The following PASK variants were observed in gnomAD, a reference collection of about 807,000 sequenced individuals.
The protein encoded by PASK is PAS domain-containing serine/threonine-protein kinase.
PASK carries 110 observed loss-of-function variants against 121.0 expected under a neutral mutation model. That is an observed-to-expected ratio of 0.91 (90% CI 0.78 to 1.06). The LOEUF is 1.06. PASK is among the 50% of genes least tolerant of loss of function. PASK has a pLI of 0.00. For missense variants in PASK, 1,643 were observed against 1,702.3 expected, an observed-to-expected ratio of 0.97 and a Z score of 0.61; for synonymous variants, 686 against 717.8, an observed-to-expected ratio of 0.96 and a Z score of 0.71.
Position 241,107,467 on chromosome 2 carries a change from G to T in PASK, c.3700C>A (p.Pro1234Thr), listed in dbSNP as rs145793780. The change falls in exon 17 of 18, where the codon CCA becomes ACA. Residue 1234 changes from proline (P) to threonine (T), a missense_variant. By Grantham distance (38) the Pro-to-Thr change is conservative. Transcript: ENST00000234040. ...AAGGTGGTGCGTCTCTCAGGGACTG[G>T]CTGCAGCAGCCCAGACACAAGGCTC... is the stretch of plus-strand genomic sequence containing the variant. The part of the protein sequence containing the change: ...LMSLVSGLLQ[P>T]VPERRTTLEK... 56 of 1,613,902 alleles carry T rather than the reference G, an allele frequency of 3.5e-5. No individual in the cohort carries two copies. The African/African-American group carries it at 7.2e-4, about 21-fold the overall frequency.
intron 2 of PASK, among the ~76,000 whole-genome samples, chr2:241,141,915 C>T (rs370909753): frequency 5.9e-5 from 9 of 152,188 alleles, no homozygotes; most frequent in African/African-American, 1.7e-4. Flanking sequence ...AGCTCCTTCT[C>T]ATGTCTCAAG....
At position 241,108,092 on chromosome 2, in the gene PASK, T is replaced by G; in HGVS notation, c.3667+75A>C. On this transcript the variant is annotated intron_variant, in intron 16 of 17. Transcript: ENST00000234040. The surrounding 1 kb of genome is among the most constrained non-coding windows in gnomAD (Gnocchi z 5.2). ...ATATGGACAGAGATACACTGAGGAA[T>G]GAGGAAATGGGAAAAAAAAGTGGCT... The G allele has an allele frequency of 7.9e-6, 11 of 1,388,594 alleles. No homozygotes were observed. The highest frequency in any genetic ancestry group is 1.1e-5 in the Non-Finnish European group (11 of 975,264). The allele number at this position is 1,388,594 out of a possible 1,614,324, so 86.0% of individuals were successfully genotyped here. A position where few individuals can be genotyped will look rare whatever the true frequency, so the allele number is the denominator to read the frequency against.
rs776589557 is a variant in PASK at position 241,127,432 on chromosome 2, C to T, written c.1483G>A (p.Gly495Arg). 1 of 1,614,026 alleles carries T rather than the reference C, an allele frequency of 6.2e-7. No individual in the cohort carries two copies. Among genetic ancestry groups the T allele is most frequent in the South Asian group, 1.1e-5 (1 of 91,074 alleles). ...PAPGVDNVPE[G>R]SLPVHGEQAL... ...TGTTCACCGTGCACTGGCAGGCTTC[C>T]TTCTGGGACATTGTCCACCCTGGGG... Residue 495 changes from glycine to arginine, a missense_variant, in exon 10 of 18, where the codon GGA becomes AGA. Gly to Arg is a moderately radical substitution (Grantham distance 125). This residue lies in a region of PASK where 1,176 missense variants were observed against 1,162.2 expected (regional missense o/e 1.01). Coordinates refer to ENST00000234040, the MANE Select transcript of PASK (RefSeq NM_015148.4).
Position 241,126,552 on chromosome 2 carries a change from C to A in PASK, c.2363G>T (p.Gly788Val). The A allele has an allele frequency of 6.2e-7, 1 of 1,614,248 alleles. No individual in the cohort carries two copies. The highest frequency in any genetic ancestry group is 8.5e-7 in the Non-Finnish European group (1 of 1,180,036). The change falls in exon 10 of 18, where the codon GGG (glycine) becomes GTG (valine). Residue 788 changes from glycine to valine, a missense_variant. Coordinates refer to ENST00000234040, the MANE Select transcript of PASK (RefSeq NM_015148.4). ...CTCCCTGTCATCCAGGACACACGAC[C>A]CCTGTTCCTGGAGACTGCCTACATC... ...DPDVGSLQEQGSCVLDDRELL... is the reference protein window; with the variant it reads ...DPDVGSLQEQVSCVLDDRELL...
Position 241,132,867 on chromosome 2 carries a change from G to C in PASK, c.1463+7C>G. The C allele has an allele frequency of 6.2e-7, 1 of 1,612,652 alleles. No homozygotes were observed. Among genetic ancestry groups the C allele is most frequent in the African/African-American group, 1.3e-5 (1 of 75,006 alleles). ...GTAAACCTGCAACCTCCCACCAAGG[G>C]ACTTACCCTGGAGCAGGCTGAGGTG... is the stretch of plus-strand genomic sequence containing the variant. On this transcript the variant is annotated splice_region_variant and intron_variant, in intron 9 of 17. Transcript: ENST00000234040.
At chr2:241,114,856 C>A in intron 14 of PASK, 187 bp downstream of exon 14, 1 of 1,501,272 alleles carries the variant, frequency 6.7e-7, no homozygotes, top group Middle Eastern at 2.5e-4. Flanking sequence ...CCTTCCCAAC[C>A]TCACTTTCTC....
intron 7 of PASK, 85 bp downstream of exon 7, chr2:241,136,919 G>T: frequency 1.5e-6 from 2 of 1,311,960 alleles, no homozygotes; most frequent in Non-Finnish European, 1.1e-6. Flanking sequence ...CCGGGTGCGA[G>T]GCCTGTGCCA....
intron 9 of PASK, among the ~76,000 whole-genome samples, chr2:241,130,699 C>A (rs1030269697): frequency 2.6e-5 from 4 of 152,186 alleles, no homozygotes; most frequent in African/African-American, 9.7e-5. Flanking sequence ...CGCCACTCAA[C>A]GCGGACCCAC....
intron 1 of PASK, among the ~76,000 whole-genome samples, chr2:241,144,054 G>A (rs1012659281): frequency 4.6e-5 from 7 of 152,278 alleles, no homozygotes; most frequent in Admixed American, 2.6e-4. Context: ...CATCAGCCTC[G>A]TCCAGATTTC....
Position 241,138,102 on chromosome 2 carries a change from C to A in PASK, c.742-15G>T. 3 of 1,613,588 alleles carry A rather than the reference C, an allele frequency of 1.9e-6. No individual in the cohort carries two copies. Among genetic ancestry groups the A allele is most frequent in the Non-Finnish European group, 2.5e-6 (3 of 1,179,726 alleles). ...GTGACGGTGCCCTGGAGGAAAAGCCCCGTGCTTATCATAAAAGCTTCTTGT... is the reference window on the plus strand; with the variant it reads ...GTGACGGTGCCCTGGAGGAAAAGCCACGTGCTTATCATAAAAGCTTCTTGT... On this transcript the variant is annotated splice_polypyrimidine_tract_variant and intron_variant, in intron 5 of 17. Coordinates refer to ENST00000234040, the MANE Select transcript of PASK (RefSeq NM_015148.4).
Position 241,126,384 on chromosome 2 carries a change from G to A in PASK, c.2531C>T (p.Pro844Leu), listed in dbSNP as rs36082918. The A allele has an allele frequency of 1.9e-6, 3 of 1,614,232 alleles. No homozygotes were observed. Among genetic ancestry groups the A allele is most frequent in the East Asian group, 2.2e-5 (1 of 44,888 alleles). The change falls in exon 10 of 18, where the codon CCA becomes CTA. Residue 844 changes from proline to leucine, a missense_variant. Coordinates refer to ENST00000234040, the MANE Select transcript of PASK (RefSeq NM_015148.4). ...EHYAASDRESPGHVPSTLDAG... is the reference protein window; with the variant it reads ...EHYAASDRESLGHVPSTLDAG... ...ATCCAACGTGGAAGGAACGTGTCCTGGGCTTTCTCTGTCGCTTGCTGCATA... is the reference window on the plus strand; with the variant it reads ...ATCCAACGTGGAAGGAACGTGTCCTAGGCTTTCTCTGTCGCTTGCTGCATA...
Position 241,107,424 on chromosome 2 carries a change from T to C in PASK, c.3743A>G (p.Asp1248Gly), listed in dbSNP as rs773477493. The C allele has an allele frequency of 6.2e-7, 1 of 1,613,766 alleles. No individual in the cohort carries two copies. The highest frequency in any genetic ancestry group is 1.3e-5 in the African/African-American group (1 of 74,898). Residue 1248 changes from aspartate (D) to glycine (G), a missense_variant, in exon 17 of 18, where the codon GAC (aspartate) becomes GGC (glycine). This residue lies in a region of PASK where 453 missense variants were observed against 511.2 expected (regional missense o/e 0.89). Transcript: ENST00000234040. ...RRTTLEKLVT[D>G]PWVTQPVNLA... ...ATTCACAGGCTGTGTTACCCACGGG[T>C]CTGTCACCAGCTTCTCCAAGGTGGT... is the stretch of plus-strand genomic sequence containing the variant.
At chr2:241,116,672 G>A (rs2065384654) in intron 12 of PASK, among the ~76,000 whole-genome samples, 1 of 152,230 alleles carries the variant, frequency 6.6e-6, no homozygotes. Context: ...CACAGTCAAT[G>A]ATAGTCAAAG....
At position 241,126,802 on chromosome 2, in the gene PASK, A is replaced by G. The variant is rs749503575; in HGVS notation, c.2113T>C (p.Cys705Arg). The G allele has an allele frequency of 8.7e-6, 14 of 1,613,826 alleles. No homozygotes were observed. The African/African-American group carries it at 1.7e-4, about 20-fold the overall frequency. Residue 705 changes from cysteine (C) to arginine (R), a missense_variant, in exon 10 of 18, where the codon TGC becomes CGC. Cys to Arg is a radical substitution (Grantham distance 180). Around this residue, in one of 3 missense-constraint regions of PASK, gnomAD observed 1,176 missense variants for 1,162.2 expected, o/e 1.01. Transcript: ENST00000234040. ...SSCDLGGRDL[C>R]GGCTGSSSAC... Reference sequence around the variant, plus strand: ...GAGGAGCTGCCCGTGCAGCCACCGCACAGGTCTCTGCCTCCCAGATCGCAG... The same window carrying G: ...GAGGAGCTGCCCGTGCAGCCACCGCGCAGGTCTCTGCCTCCCAGATCGCAG...
intron 2 of PASK, among the ~76,000 whole-genome samples, chr2:241,141,617 G>A (rs1018852303): frequency 1.3e-5 from 2 of 152,004 alleles, no homozygotes; most frequent in Admixed American, 1.3e-4. Context: ...AATTAGAAAT[G>A]CACTGAAGAC....
chr2:241,110,584 C>T (rs1182493552), intron 15 of PASK, among the ~76,000 whole-genome samples: 1 of 152,098 alleles, frequency 6.6e-6, no homozygotes, highest in Admixed American at 6.5e-5. Flanking sequence ...AGGGTGGGAG[C>T]CACAGCTCTG....
At chr2:241,139,279 C>T (rs1427164827) in intron 4 of PASK, among the ~76,000 whole-genome samples, 1 of 152,104 alleles carries the variant, frequency 6.6e-6, no homozygotes, top group Non-Finnish European at 1.5e-5. Flanking sequence ...CAGATCATAC[C>T]CCAACCTCCA....
At chr2:241,115,828 A>AAGCATCCCATTACACCAGGGGCCACCG (rs2065324307) in intron 12 of PASK, among the ~76,000 whole-genome samples, 2 of 102,350 alleles carry the variant, frequency 2.0e-5, no homozygotes, top group East Asian at 3.2e-4. Context: ...GGGGCCACCC[A>AAGCATCCCATTACACCAGGGGCCACCG]GTCCTCAAGC....
At position 241,122,596 on chromosome 2, in the gene PASK, C is replaced by T. The variant is rs1010316002; in HGVS notation, c.3072+136G>A. ...AGAGCCTCTTTGAATCCGGAAACCGCCCACATGCCAGGTTGTGTGCTTGGT... is the reference window on the plus strand; with the variant it reads ...AGAGCCTCTTTGAATCCGGAAACCGTCCACATGCCAGGTTGTGTGCTTGGT... On this transcript the variant is annotated intron_variant, in intron 12 of 17. Transcript: ENST00000234040. 1.1e-5 allele frequency: 9 copies of T among 832,958 alleles called. No homozygotes were observed. In the African/African-American group the frequency reaches 1.3e-4, roughly 12 times the overall value. 51.6% of individuals were successfully genotyped at this position (832,958 alleles called of 1,614,324 possible). A position where few individuals can be genotyped will look rare whatever the true frequency, so the allele number is the denominator to read the frequency against.
Sources: allele counts gnomAD v4.1 joint callset (sites outside exome capture counted in the v4.1 genomes callset), GRCh38; gene constraint gnomAD v4.1.1; regional missense constraint gnomAD v4.1.1; non-coding constraint Gnocchi (gnomAD v3.1); transcripts MANE v1.5; gene names NCBI Gene and HGNC (gene_info 2026-07-23, HGNC 2026-07-21).